CTNNA3: variants seen among roughly 807,000 people sequenced by gnomAD.
CTNNA3 encodes the protein catenin alpha-3.
In CTNNA3, 76 loss-of-function variants were observed where a neutral mutation model predicts 95.7. That is an observed-to-expected ratio of 0.79 (90% CI 0.66 to 0.96). The LOEUF (loss-of-function observed/expected upper bound fraction) is 0.96. CTNNA3 is among the 40% of genes least tolerant of loss of function. The probability of loss-of-function intolerance (pLI) is 0.00; values close to 1 mark genes in which losing one functional copy is unlikely to be tolerated. For missense variants in CTNNA3, 1,191 were observed against 1,089.8 expected, an observed-to-expected ratio of 1.09 and a Z score of -1.31; for synonymous variants, 431 against 374.4, an observed-to-expected ratio of 1.15 and a Z score of -1.74.
intron 7 of CTNNA3, among the ~76,000 whole-genome samples, chr10:66,993,101 G>A (rs1431795743): frequency 1.3e-5 from 2 of 152,112 alleles, no homozygotes; most frequent in East Asian, 1.9e-4. Context: ...ACGATCATGA[G>A]GTCCAAAATA....
intron 6 of CTNNA3, among the ~76,000 whole-genome samples, chr10:67,195,357 G>A (rs1436738709): frequency 1.3e-5 from 2 of 151,926 alleles, no homozygotes; most frequent in Non-Finnish European, 2.9e-5. Context: ...CAGAAAAACT[G>A]AACATGAATT....
At chr10:66,433,910 C>T (rs1207842083) in intron 11 of CTNNA3, among the ~76,000 whole-genome samples, 1 of 152,168 alleles carries the variant, frequency 6.6e-6, no homozygotes, top group African/African-American at 2.4e-5. Flanking sequence ...ATCTTTTCCC[C>T]ATTGCTTGTT....
chr10:67,223,376 A>G (rs1038613810), intron 5 of CTNNA3, among the ~76,000 whole-genome samples: 2 of 152,254 alleles, frequency 1.3e-5, no homozygotes, highest in Admixed American at 6.5e-5. Context: ...AAAATTTTAC[A>G]TAAAGTCAAA....
At chr10:67,001,818 T>C (rs1851705490) in intron 7 of CTNNA3, among the ~76,000 whole-genome samples, 1 of 152,164 alleles carries the variant, frequency 6.6e-6, no homozygotes, top group Non-Finnish European at 1.5e-5. Context: ...ACCCACCAGT[T>C]TCTACTGACT....
At chr10:66,345,172 A>C (rs1021240487) in intron 12 of CTNNA3, among the ~76,000 whole-genome samples, 21 of 152,166 alleles carry the variant, frequency 1.4e-4, no homozygotes, top group African/African-American at 5.1e-4. Context: ...TGTTAAGATA[A>C]TTTTGTCACT....
intron 5 of CTNNA3, among the ~76,000 whole-genome samples, chr10:67,503,842 T>A (rs1346589080): frequency 6.6e-6 from 1 of 152,156 alleles, no homozygotes; most frequent in Non-Finnish European, 1.5e-5. Context: ...AGAAATAAAC[T>A]TTTCCAAAAC....
At chr10:66,590,780 A>AAATTAT (rs1245632245) in intron 10 of CTNNA3, among the ~76,000 whole-genome samples, 1 of 152,082 alleles carries the variant, frequency 6.6e-6, no homozygotes, top group Non-Finnish European at 1.5e-5. Context: ...AGTATTAGAA[A>AAATTAT]AATTATAATT....
chr10:67,473,401 T>TA (rs575959777), intron 5 of CTNNA3, among the ~76,000 whole-genome samples: 162 of 152,064 alleles, frequency 1.1e-3, no homozygotes, highest in African/African-American at 3.5e-3. Flanking sequence ...CATACTTGAC[T>TA]AAAAAAAATC....
chr10:66,718,244 T>C (rs1268111460), intron 9 of CTNNA3, among the ~76,000 whole-genome samples: 1 of 152,114 alleles, frequency 6.6e-6, no homozygotes, highest in African/African-American at 2.4e-5. Context: ...TGCAATTGCC[T>C]TATTGTCCTA....
chr10:67,481,602 T>C (rs1848230895), intron 5 of CTNNA3, among the ~76,000 whole-genome samples: 1 of 152,210 alleles, frequency 6.6e-6, no homozygotes, highest in South Asian at 2.1e-4. Context: ...GAAAGATCTC[T>C]ACAAGGAGAA....
chr10:66,085,688 T>C (rs183654243), intron 14 of CTNNA3, among the ~76,000 whole-genome samples: 3 of 152,176 alleles, frequency 2.0e-5, no homozygotes, highest in African/African-American at 7.2e-5. Context: ...CAGATCATTT[T>C]TTATATTTAT....
chr10:66,065,025 A>G (rs1167341019), intron 15 of CTNNA3, among the ~76,000 whole-genome samples: 2 of 152,206 alleles, frequency 1.3e-5, no homozygotes, highest in African/African-American at 4.8e-5. Flanking sequence ...AGAGGCAGGA[A>G]ATATGGGAAA....
Position 67,525,323 on chromosome 10 carries a change from A to G in CTNNA3, c.460-3362T>C, listed in dbSNP as rs80073038. Among the ~76,000 whole-genome samples the G allele has an allele frequency of 9.7e-3, 1,482 of 152,250 alleles. 28 individuals are homozygous for G. Among genetic ancestry groups the G allele is most frequent in the African/African-American group, 0.034 (1,392 of 41,528 alleles). On this transcript the variant is annotated intron_variant, in intron 4 of 17. Coordinates refer to ENST00000433211, the MANE Select transcript of CTNNA3 (RefSeq NM_013266.4). ...AAAAGTAAGCACTGTCAACACTCCC[A>G]GAGTGTGTTTTCTCATCAAATTATT...
At chr10:66,105,537 A>G (rs1229817970) in intron 13 of CTNNA3, among the ~76,000 whole-genome samples, 1 of 152,168 alleles carries the variant, frequency 6.6e-6, no homozygotes, top group East Asian at 1.9e-4. Flanking sequence ...ATCCACTCCT[A>G]TAGTTTATTC....
At chr10:67,635,097 T>A (rs891912459) in intron 2 of CTNNA3, among the ~76,000 whole-genome samples, 2 of 151,870 alleles carry the variant, frequency 1.3e-5, no homozygotes, top group African/African-American at 2.4e-5. Flanking sequence ...CCTGGACACA[T>A]ACACCCTCCC....
chr10:67,739,330 T>C (rs1046054148), intron 1 of CTNNA3, among the ~76,000 whole-genome samples: 1 of 152,032 alleles, frequency 6.6e-6, no homozygotes, highest in Non-Finnish European at 1.5e-5. Context: ...GAGAAGGAAA[T>C]AAAGGGTATT....
chr10:67,036,740 ATAT>A (rs1376929320), intron 7 of CTNNA3, among the ~76,000 whole-genome samples: 4 of 152,176 alleles, frequency 2.6e-5, no homozygotes, highest in Non-Finnish European at 5.9e-5. Flanking sequence ...TATGCAATAA[ATAT>A]TATCTTTTTT....
chr10:66,180,921 T>C (rs1339927486), intron 13 of CTNNA3, among the ~76,000 whole-genome samples: 1 of 152,106 alleles, frequency 6.6e-6, no homozygotes, highest in Non-Finnish European at 1.5e-5. Flanking sequence ...GTCTGCCATC[T>C]AGTGGCCACT....
intron 7 of CTNNA3, among the ~76,000 whole-genome samples, chr10:67,034,411 C>A (rs1853916372): frequency 6.6e-6 from 1 of 152,164 alleles, no homozygotes; most frequent in South Asian, 2.1e-4. Flanking sequence ...AGCTGATATT[C>A]CTTCTTGCAA....
Sources: gnomAD v4.1 joint callset for allele counts (sites outside exome capture counted in the v4.1 genomes callset) on GRCh38, gnomAD v4.1.1 for gene constraint, MANE v1.5 for transcripts, NCBI Gene and HGNC (gene_info 2026-07-23, HGNC 2026-07-21) for gene names.